Variants in CUX1 observed in about 807,000 individuals in gnomAD.
CUX1 encodes the protein cut like homeobox 1.
A neutral mutation model predicts 158.8 loss-of-function variants in CUX1; 31 were observed. That is an observed-to-expected ratio of 0.20 (90% CI 0.15 to 0.26). CUX1 has a LOEUF of 0.26. Ranked by LOEUF, CUX1 falls within the 10% of genes least tolerant of loss-of-function variation. The pLI is 1.00. For missense variants in CUX1, 1,589 were observed against 2,014.6 expected, an observed-to-expected ratio of 0.79 and a Z score of 4.04; for synonymous variants, 879 against 862.1, an observed-to-expected ratio of 1.02 and a Z score of -0.34.
chr7:101,959,238 A>AGTGT (rs55733311), intron 2 of CUX1, among the ~76,000 whole-genome samples: 3,048 of 145,796 alleles, frequency 0.021, 58 homozygotes, highest in Admixed American at 0.068. Context: ...ATGTGTGTGC[A>AGTGT]GTGTGTGTGT....
In CUX1 at chr7:102,257,705, C is replaced by T. The variant is rs1790046258; in HGVS notation, c.*8663C>T. ...CGGAAAACTCTCTATAAGCTCAGCT[C>T]CCCCCACCCCACCCCCACTCTAGCG... is the stretch of plus-strand genomic sequence containing the variant. On this transcript the variant is annotated 3_prime_UTR_variant, in exon 24 of 24. Transcript: ENST00000292535. The T allele has an allele frequency of 2.0e-6, 2 of 984,746 alleles. No homozygotes were observed. Among genetic ancestry groups the T allele is most frequent in the African/African-American group, 1.8e-5 (1 of 57,066 alleles). The allele number at this position is 984,746 out of a possible 1,614,324, so 61.0% of individuals were successfully genotyped here.
At position 102,222,811 on chromosome 7, in the gene CUX1, CTTTTT is replaced by C. The variant is rs71123016; in HGVS notation, c.3131-4534_3131-4530del. ...GGCTGTGTGTCTCGGGGCACCGTATCTTTTTTTTTTTTTTTTTTTTTTTTTTGAGA... is the reference window on the plus strand; with the variant it reads ...GGCTGTGTGTCTCGGGGCACCGTATCTTTTTTTTTTTTTTTTTTTTTGAGA... On this transcript the variant is annotated intron_variant, in intron 20 of 23. Transcript: ENST00000292535. Among the ~76,000 whole-genome samples the C allele has an allele frequency of 2.5e-3, 65 of 25,524 alleles. 1 individual carries two copies. The highest frequency in any genetic ancestry group is 9.1e-3 in the African/African-American group (53 of 5,800). The allele number at this position is 25,524 out of a possible 152,430, so 16.7% of individuals were successfully genotyped here. A position where few individuals can be genotyped will look rare whatever the true frequency, so the allele number is the denominator to read the frequency against.
intron 21 of CUX1, among the ~76,000 whole-genome samples, chr7:102,229,550 G>A (rs953951369): frequency 6.7e-6 from 1 of 148,880 alleles, no homozygotes; most frequent in Non-Finnish European, 1.5e-5. Flanking sequence ...GACCTCAAGT[G>A]ATCCACCCAC....
chr7:101,907,962 A>C (rs1326313156), intron 1 of CUX1, among the ~76,000 whole-genome samples: 1 of 151,740 alleles, frequency 6.6e-6, no homozygotes, highest in Non-Finnish European at 1.5e-5. Context: ...CTATTAAAGA[A>C]AAAAAAAACC....
chr7:101,832,722 T>G (rs1794191375), intron 1 of CUX1, among the ~76,000 whole-genome samples: 2 of 152,188 alleles, frequency 1.3e-5, no homozygotes, highest in Middle Eastern at 3.2e-3. Context: ...CAATGACTAA[T>G]TATAGTGATA....
At chr7:102,021,614 C>CTTTTTTTTTT (rs67147187) in intron 2 of CUX1, among the ~76,000 whole-genome samples, 1 of 109,342 alleles carries the variant, frequency 9.1e-6, no homozygotes, top group Non-Finnish European at 2.0e-5. Context: ...TTTTTTTTCT[C>CTTTTTTTTTT]TTTTTTTTTT....
chr7:101,836,241 C>G (rs1388501424), intron 1 of CUX1, among the ~76,000 whole-genome samples: 2 of 152,200 alleles, frequency 1.3e-5, no homozygotes, highest in African/African-American at 4.8e-5. Context: ...CCATCTCTCT[C>G]TCTTCTGCCT....
chr7:101,930,600 C>G (rs981507718), intron 2 of CUX1, among the ~76,000 whole-genome samples: 1 of 152,182 alleles, frequency 6.6e-6, no homozygotes, highest in East Asian at 1.9e-4. Flanking sequence ...AGTGAGTTTA[C>G]GAGGAGCATG....
chr7:102,152,963 GT>G lies in CUX1; in HGVS notation c.675-5594del, dbSNP rs1400897663. Among the ~76,000 whole-genome samples, 17 of 152,304 alleles carry G rather than the reference GT, an allele frequency of 1.1e-4. No homozygotes were observed. The South Asian group carries it at 2.3e-3, about 20-fold the overall frequency. On this transcript the variant is annotated intron_variant, in intron 8 of 23. Coordinates refer to ENST00000292535, the MANE Select transcript of CUX1 (RefSeq NM_181552.4). ...GTTATCACATTCAGTATTTTGGTCC[GT>G]TTAGCAGTTGCTTAGTAACCAAAGC...
At chr7:102,030,014 CTT>C (rs1193128464) in intron 3 of CUX1, among the ~76,000 whole-genome samples, 16 of 141,964 alleles carry the variant, frequency 1.1e-4, no homozygotes, top group Admixed American at 1.4e-4. Context: ...TACCTGTATG[CTT>C]TTTTTTTTTT....
At chr7:102,070,244 T>A in intron 3 of CUX1, 95 bp from the exon 4 acceptor site, 4 of 1,044,270 alleles carry the variant, frequency 3.8e-6, no homozygotes, top group South Asian at 1.4e-5. Flanking sequence ...TCTCCCTTGC[T>A]ACGGGAATTC....
intron 9 of CUX1, among the ~76,000 whole-genome samples, chr7:102,165,377 G>A (rs1347176351): frequency 1.4e-5 from 2 of 139,008 alleles, no homozygotes; most frequent in African/African-American, 2.7e-5. Context: ...TTTTGAGATG[G>A]AGTCTCACCC....
chr7:102,236,853 G>C (rs1221218628), intron 22 of CUX1, among the ~76,000 whole-genome samples: 1 of 152,164 alleles, frequency 6.6e-6, no homozygotes, highest in Non-Finnish European at 1.5e-5. Flanking sequence ...TCTTTCCCTC[G>C]GCACAGGCTC....
chr7:101,816,710 G>T (rs1584619842), upstream of CUX1, among the ~76,000 whole-genome samples: 1 of 145,208 alleles, frequency 6.9e-6, no homozygotes, highest in African/African-American at 2.5e-5. Flanking sequence ...AGCTGGGGCT[G>T]GTGGCGCTGT....
At chr7:102,132,108 G>A (rs1405588089) in intron 8 of CUX1, among the ~76,000 whole-genome samples, 1 of 151,780 alleles carries the variant, frequency 6.6e-6, no homozygotes, top group African/African-American at 2.4e-5. Context: ...AAATCACAAA[G>A]GGAAGAAATT....
At chr7:102,103,575 G>A (rs1469536700) in intron 5 of CUX1, among the ~76,000 whole-genome samples, 1 of 152,036 alleles carries the variant, frequency 6.6e-6, no homozygotes, top group Non-Finnish European at 1.5e-5. Context: ...AGCTGGGACT[G>A]CAGGTGTGTG....
intron 15 of CUX1, 142 bp downstream of exon 15, chr7:102,197,447 G>T: frequency 9.6e-7 from 1 of 1,036,302 alleles, no homozygotes; most frequent in Non-Finnish European, 1.4e-6. Context: ...CTTCTGCCAC[G>T]TCCAGAGCTC....
intron 21 of CUX1, among the ~76,000 whole-genome samples, chr7:102,228,115 T>A (rs1798546433): frequency 6.6e-6 from 1 of 151,982 alleles, no homozygotes; most frequent in African/African-American, 2.4e-5. Context: ...CACTCCTGGC[T>A]AATTTTTGTA....
At chr7:101,884,397 T>C (rs1356589782) in intron 1 of CUX1, among the ~76,000 whole-genome samples, 1 of 152,196 alleles carries the variant, frequency 6.6e-6, no homozygotes, top group African/African-American at 2.4e-5. Context: ...AGATAACGTG[T>C]TTTTCTGTCC....
Sources: allele counts gnomAD v4.1 joint callset (sites outside exome capture counted in the v4.1 genomes callset), GRCh38; gene constraint gnomAD v4.1.1; transcripts MANE v1.5; gene names NCBI Gene and HGNC (gene_info 2026-07-23, HGNC 2026-07-21).